TSHZ3: variants seen among roughly 807,000 people sequenced by gnomAD.
TSHZ3 encodes teashirt zinc finger homeobox 3, also known as teashirt homolog 3.
Under a neutral mutation model 64.5 loss-of-function variants are expected in TSHZ3, and 10 were observed. The observed-to-expected ratio is 0.16, with a 90% CI of 0.10 to 0.26. The LOEUF (loss-of-function observed/expected upper bound fraction) is 0.26. TSHZ3 is among the 10% of genes least tolerant of loss of function. TSHZ3 has a pLI of 1.00. For synonymous variants in TSHZ3, 608 were observed against 593.1 expected (o/e 1.03, Z -0.36); for missense variants, 1,242 against 1,421.7 (o/e 0.87, Z 2.03).
intron 1 of TSHZ3, among the ~76,000 whole-genome samples, chr19:31,282,825 GAA>G (rs1195693681): frequency 6.6e-6 from 1 of 152,184 alleles, no homozygotes; most frequent in East Asian, 1.9e-4. Context: ...GTGCCAAGCA[GAA>G]CTGGGTCCTG....
chr19:31,240,953 A>C (rs765150939), intron 3 of TSHZ3, among the ~76,000 whole-genome samples: 8 of 152,138 alleles, frequency 5.3e-5, no homozygotes, highest in Non-Finnish European at 1.0e-4. Context: ...CTTTGAAAAT[A>C]TTATACTTGT....
rs574695511 is a variant in TSHZ3 at position 31,189,387 on chromosome 19, C to T, written n.809+15569G>A. Among the ~76,000 whole-genome samples, 21 of 151,878 alleles carry T rather than the reference C, an allele frequency of 1.4e-4. No homozygotes were observed. The South Asian group carries it at 4.4e-3, about 32-fold the overall frequency. On this transcript the variant is annotated intron_variant and non_coding_transcript_variant, in intron 5 of 6. Coordinates refer to the TSHZ3 transcript ENST00000651361. ...TAAACTTTTAAGGCAATACATTTTC[C>T]TCTAAGCATTGCTTTGGCTGCATCC...
At chr19:31,264,365 T>G (rs1976020900) in intron 1 of TSHZ3, among the ~76,000 whole-genome samples, 1 of 152,226 alleles carries the variant, frequency 6.6e-6, no homozygotes, top group Non-Finnish European at 1.5e-5. Flanking sequence ...AGTGGCAGCT[T>G]GCTCCTTAAT....
At chr19:31,232,296 A>G (rs1408418101) in intron 3 of TSHZ3, among the ~76,000 whole-genome samples, 2 of 152,184 alleles carry the variant, frequency 1.3e-5, no homozygotes, top group Non-Finnish European at 2.9e-5. Flanking sequence ...AAAAAAGTCA[A>G]TGAATAAATG....
At chr19:31,255,300 C>T (rs568491403) in intron 1 of TSHZ3, among the ~76,000 whole-genome samples, 1 of 152,058 alleles carries the variant, frequency 6.6e-6, no homozygotes, top group Non-Finnish European at 1.5e-5. Flanking sequence ...TGCAGGGGGA[C>T]ACAGTAAGCT....
intron 1 of TSHZ3, among the ~76,000 whole-genome samples, chr19:31,284,460 GGAA>G (rs1327286827): frequency 6.6e-6 from 1 of 152,052 alleles, no homozygotes; most frequent in Non-Finnish European, 1.5e-5. Flanking sequence ...CACTGGGCTC[GGAA>G]GAAGATCCAA....
intron 1 of TSHZ3, among the ~76,000 whole-genome samples, chr19:31,244,107 A>G (rs1975729803): frequency 6.6e-6 from 1 of 152,146 alleles, no homozygotes; most frequent in Admixed American, 6.5e-5. Flanking sequence ...TATAACAATG[A>G]CAGTGTATGA....
chr19:31,227,583 G>A (rs1948557), intron 4 of TSHZ3, among the ~76,000 whole-genome samples: 46,031 of 151,994 alleles, frequency 0.3, 8,242 homozygotes, highest in African/African-American at 0.48. Flanking sequence ...AAGAGAGGAT[G>A]GGAGGGAAGA....
chr19:31,234,436 G>C (rs946411655), intron 3 of TSHZ3, among the ~76,000 whole-genome samples: 3 of 152,142 alleles, frequency 2.0e-5, no homozygotes, highest in Non-Finnish European at 4.4e-5. Flanking sequence ...TAAGGAGACT[G>C]AACATCTTTG....
intron 5 of TSHZ3, among the ~76,000 whole-genome samples, chr19:31,173,834 C>T (rs141798898): frequency 1.1e-4 from 16 of 152,286 alleles, no homozygotes; most frequent in Middle Eastern, 3.4e-3. Context: ...TTTTGGGAGG[C>T]TGAAGCGGGC....
At chr19:31,233,044 T>C (rs1002472379) in intron 3 of TSHZ3, among the ~76,000 whole-genome samples, 4 of 152,218 alleles carry the variant, frequency 2.6e-5, no homozygotes, top group Non-Finnish European at 4.4e-5. Flanking sequence ...GACCAGTCTC[T>C]TTATGGACAT....
At chr19:31,289,670 C>A (rs1321333839) in intron 1 of TSHZ3, among the ~76,000 whole-genome samples, 1 of 152,090 alleles carries the variant, frequency 6.6e-6, no homozygotes, top group Non-Finnish European at 1.5e-5. Flanking sequence ...GAGCCAGATG[C>A]CCTGCAGCAC....
At chr19:31,213,457 G>A (rs1975288040) in intron 4 of TSHZ3, among the ~76,000 whole-genome samples, 1 of 145,500 alleles carries the variant, frequency 6.9e-6, no homozygotes, top group South Asian at 2.3e-4. Flanking sequence ...TTAGGACAGT[G>A]AAACTACTCT....
intron 4 of TSHZ3, among the ~76,000 whole-genome samples, chr19:31,221,338 C>G (rs1468915396): frequency 6.6e-6 from 1 of 152,088 alleles, no homozygotes; most frequent in Admixed American, 6.6e-5. Context: ...TTGAAAGACA[C>G]TTTTTTGAGA....
chr19:31,313,534 C>A (rs1183404128), intron 1 of TSHZ3, among the ~76,000 whole-genome samples: 1 of 152,204 alleles, frequency 6.6e-6, no homozygotes. Context: ...CTGCGTACCA[C>A]CTGCCTGTTG....
At chr19:31,216,299 C>T (rs1975328267) in intron 4 of TSHZ3, among the ~76,000 whole-genome samples, 1 of 152,150 alleles carries the variant, frequency 6.6e-6, no homozygotes, top group Admixed American at 6.5e-5. Context: ...ACAACTAGGA[C>T]CCCTATCAGC....
At position 31,277,045 on chromosome 19, in the gene TSHZ3, C is replaced by A; in HGVS notation, c.2748G>T (p.Gln916His). The change falls in exon 2 of 2, where the codon CAG (glutamine) becomes CAT (histidine). Residue 916 changes from glutamine to histidine, a missense_variant. Transcript: ENST00000240587. The surrounding 1 kb of genome is among the most constrained non-coding windows in gnomAD (Gnocchi z 4.5). ...LQAQFAASLR[Q>H]TSEGKYIMSD... is the part of the protein sequence containing the mutation. Reference sequence around the variant, plus strand: ...ACATGATGTACTTCCCTTCTGAGGTCTGCCGGAGGCTGGCGGCAAACTGGG... The same window carrying A: ...ACATGATGTACTTCCCTTCTGAGGTATGCCGGAGGCTGGCGGCAAACTGGG... The A allele has an allele frequency of 1.2e-6, 2 of 1,609,536 alleles. No individual in the cohort carries two copies. The highest frequency in any genetic ancestry group is 1.7e-6 in the Non-Finnish European group (2 of 1,176,980).
chr19:31,192,610 T>C (rs2145139394), intron 5 of TSHZ3, among the ~76,000 whole-genome samples: 1 of 152,350 alleles, frequency 6.6e-6, no homozygotes, highest in East Asian at 1.9e-4. Context: ...AGTATATTTC[T>C]CAATGTATTT....
intron 1 of TSHZ3, among the ~76,000 whole-genome samples, chr19:31,318,596 C>CT (rs1916672697): frequency 6.6e-6 from 1 of 151,932 alleles, no homozygotes; most frequent in Non-Finnish European, 1.5e-5. Context: ...GAACAAAATC[C>CT]TTTTTTTGTA....
Sources: allele counts gnomAD v4.1 joint callset (sites outside exome capture counted in the v4.1 genomes callset), GRCh38; gene constraint gnomAD v4.1.1; non-coding constraint Gnocchi (gnomAD v3.1); transcripts MANE v1.5; gene names NCBI Gene and HGNC (gene_info 2026-07-23, HGNC 2026-07-21).